MLXIPL: variants seen among roughly 807,000 people sequenced by gnomAD.
MLXIPL encodes MLX interacting protein like.
In MLXIPL, 49 loss-of-function variants were observed where a neutral mutation model predicts 81.5. The observed-to-expected ratio is 0.60, with a 90% CI of 0.48 to 0.76. The LOEUF (loss-of-function observed/expected upper bound fraction) is 0.76. MLXIPL is among the 30% of genes least tolerant of loss of function. MLXIPL has a pLI of 0.00. For missense variants in MLXIPL, 1,053 were observed against 1,167.0 expected, an observed-to-expected ratio of 0.90 and a Z score of 1.42; for synonymous variants, 466 against 485.5, an observed-to-expected ratio of 0.96 and a Z score of 0.53.
the MLXIPL span, among the ~76,000 whole-genome samples, chr7:73,646,976 G>A: frequency 6.6e-6 from 1 of 152,120 alleles, no homozygotes; most frequent in Non-Finnish European, 1.5e-5. Context: ...GCAACCTGGT[G>A]TTCCGTTTTA....
rs547950523 is a variant in MLXIPL, at chr7:73,602,397, G to A, written c.902-2702C>T. The stretch of plus-strand genomic sequence containing the variant: ...CTTTAAAAGGGGGACCAGGCCAGGC[G>A]CGGTGGCTCACGCCTGTAATCCCAG... On this transcript the variant is annotated intron_variant, in intron 7 of 16. Transcript: ENST00000313375. 4.6e-5 allele frequency among the ~76,000 whole-genome samples: 7 copies of A among 150,688 alleles called. No homozygotes were observed. The South Asian group carries it at 6.3e-4, about 14-fold the overall frequency.
At chr7:73,604,758 TTTTA>T in intron 7 of MLXIPL, among the ~76,000 whole-genome samples, 1 of 152,134 alleles carries the variant, frequency 6.6e-6, no homozygotes, top group African/African-American at 2.4e-5. Context: ...TAGTAAATAG[TTTTA>T]TTTTTTATTT....
intron 7 of MLXIPL, among the ~76,000 whole-genome samples, chr7:73,602,977 T>G (rs1795001791): frequency 6.6e-6 from 1 of 152,160 alleles, no homozygotes; most frequent in Admixed American, 6.5e-5. Flanking sequence ...AGAAGTTGCT[T>G]CCCAGCCCGA....
chr7:73,601,176 AGTGTGTGTGTGTGTGTGTGT>A (rs55639253), intron 7 of MLXIPL, among the ~76,000 whole-genome samples: 5 of 137,654 alleles, frequency 3.6e-5, no homozygotes, highest in Admixed American at 7.3e-5. Context: ...TGCAGGGTCA[AGTGTGTGTGTGTGTGTGTGT>A]GTGTGTGTGT....
chr7:73,606,172 C>A, intron 5 of MLXIPL, 61 bp from the exon 6 acceptor site: 1 of 1,510,920 alleles, frequency 6.6e-7, no homozygotes, highest in Non-Finnish European at 9.0e-7. Context: ...TCTTCCATAT[C>A]ACCCCTCTCC....
At chr7:73,627,065 A>G (rs551348580), upstream of MLXIPL, among the ~76,000 whole-genome samples, 21 of 152,140 alleles carry the variant, frequency 1.4e-4, no homozygotes, top group African/African-American at 4.8e-4. Context: ...TCTCTGCCAA[A>G]TGTTCGCATC....
At chr7:73,641,190 G>A in the MLXIPL span, among the ~76,000 whole-genome samples, 1 of 152,114 alleles carries the variant, frequency 6.6e-6, no homozygotes, top group Non-Finnish European at 1.5e-5. Context: ...CTACCAGGGA[G>A]ACTAAGGCAG....
intron 2 of MLXIPL, among the ~76,000 whole-genome samples, chr7:73,608,927 A>G (rs532104509): frequency 5.3e-5 from 8 of 152,142 alleles, no homozygotes; most frequent in African/African-American, 1.9e-4. Context: ...CCTGGGCTCA[A>G]GCGATCCTCC....
At chr7:73,611,922 G>C (rs1309133117) in intron 2 of MLXIPL, among the ~76,000 whole-genome samples, 1 of 152,174 alleles carries the variant, frequency 6.6e-6, no homozygotes, top group Non-Finnish European at 1.5e-5. Flanking sequence ...AGAAAACAAA[G>C]GGCTGGGTCC....
intron 2 of MLXIPL, among the ~76,000 whole-genome samples, chr7:73,614,522 T>C (rs1263064903): frequency 1.3e-5 from 2 of 152,178 alleles, no homozygotes; most frequent in Admixed American, 6.6e-5. Context: ...CAGAGAATAC[T>C]GCGTGTGGTC....
chr7:73,594,846 C>CTTT (rs33938430), intron 15 of MLXIPL, among the ~76,000 whole-genome samples: 2 of 106,716 alleles, frequency 1.9e-5, no homozygotes, highest in Non-Finnish European at 3.7e-5. Context: ...TGTGCTCGGA[C>CTTT]TTTTTTTTTT....
At chr7:73,594,151 C>CG in intron 16 of MLXIPL, 123 bp downstream of exon 16, 2 of 1,499,224 alleles carry the variant, frequency 1.3e-6, no homozygotes. Flanking sequence ...CTGGGGGATG[C>CG]GGGGTGGCCA....
Position 73,597,403 on chromosome 7 carries a change from G to C in MLXIPL, c.1382C>G (p.Ser461Cys). The change falls in exon 9 of 17, where the codon TCT becomes TGT. Residue 461 changes from serine (S) to cysteine (C), a missense_variant. Coordinates refer to ENST00000313375, the MANE Select transcript of MLXIPL (RefSeq NM_032951.3). ...APAAFPPTPQ[S>C]VPSPAPTPFP... ...GGGGGTGGGGGCTGGGCTGGGGACAGACTGTGGGGTGGGTGGGAAGGCTGC... is the reference window on the plus strand; with the variant it reads ...GGGGGTGGGGGCTGGGCTGGGGACACACTGTGGGGTGGGTGGGAAGGCTGC... 1.0e-6 allele frequency: 1 copy of C among 969,502 alleles called. No individual in the cohort carries two copies. Among genetic ancestry groups the C allele is most frequent in the Non-Finnish European group, 1.4e-6 (1 of 692,100 alleles). The allele number at this position is 969,502 out of a possible 1,614,324, so 60.1% of individuals were successfully genotyped here.
chr7:73,634,008 G>A, the MLXIPL span, among the ~76,000 whole-genome samples: 1 of 152,192 alleles, frequency 6.6e-6, no homozygotes, highest in Non-Finnish European at 1.5e-5. Flanking sequence ...AGCTCACTGA[G>A]TGAGAAGAGG....
upstream of MLXIPL, chr7:73,624,550 T>A (rs1038588433): frequency 1.4e-6 from 2 of 1,474,662 alleles, no homozygotes; most frequent in Admixed American, 2.4e-5. Flanking sequence ...GAACAGCTCT[T>A]GGCCAGCCGG....
At chr7:73,597,049 C>T in intron 9 of MLXIPL, 117 bp from the exon 10 acceptor site, 1 of 1,455,178 alleles carries the variant, frequency 6.9e-7, no homozygotes, top group Non-Finnish European at 9.4e-7. Context: ...CCCCACATCC[C>T]TCATTCCTTG....
intron 2 of MLXIPL, among the ~76,000 whole-genome samples, chr7:73,614,334 G>A (rs1447726373): frequency 6.6e-6 from 1 of 152,180 alleles, no homozygotes; most frequent in African/African-American, 2.4e-5. Flanking sequence ...ACCTGAATAT[G>A]TCACTTGCCT....
chr7:73,595,496 G>A, intron 15 of MLXIPL, 141 bp downstream of exon 15: 1 of 1,580,062 alleles, frequency 6.3e-7, no homozygotes, highest in Non-Finnish European at 8.6e-7. Context: ...ATGGAAGCAG[G>A]GGGCAGAGCC....
At chr7:73,602,709 G>A (rs879957764) in intron 7 of MLXIPL, among the ~76,000 whole-genome samples, 13 of 152,052 alleles carry the variant, frequency 8.5e-5, no homozygotes, top group Non-Finnish European at 1.3e-4. Context: ...GGGAGATGGC[G>A]AGTGGTCACT....
Sources: allele counts gnomAD v4.1 joint callset (sites outside exome capture counted in the v4.1 genomes callset), GRCh38; gene constraint gnomAD v4.1.1; transcripts MANE v1.5; gene names NCBI Gene and HGNC (gene_info 2026-07-23, HGNC 2026-07-21).